The following VCL variants were observed in gnomAD, a reference collection of about 807,000 sequenced individuals.
VCL encodes vinculin.
Under a neutral mutation model 125.7 loss-of-function variants are expected in VCL, and 47 were observed. That is an observed-to-expected ratio of 0.37 (90% confidence interval 0.30 to 0.48). VCL has a LOEUF of 0.48. Ranked by LOEUF, VCL falls within the 20% of genes least tolerant of loss-of-function variation. The pLI is 0.99. For synonymous variants in VCL, 458 were observed against 514.6 expected (o/e 0.89, Z 1.49); for missense variants, 1,069 against 1,455.5 (o/e 0.73, Z 4.32).
intron 5 of VCL, 93 bp downstream of exon 5, chr10:74,072,945 C>CTT (rs369560544): frequency 2.1e-3 from 2,641 of 1,266,758 alleles, no homozygotes; most frequent in African/African-American, 6.8e-3. Flanking sequence ...GTTTTCTTTT[C>CTT]TTTTTTTTTT....
chr10:73,999,793 C>T (rs1256771373), intron 1 of VCL, among the ~76,000 whole-genome samples: 1 of 152,204 alleles, frequency 6.6e-6, no homozygotes, highest in Non-Finnish European at 1.5e-5. Context: ...TAGTAAGAAT[C>T]TATTCATTCA....
At chr10:74,100,882 T>C (rs1564531333) in intron 13 of VCL, 66 bp from the exon 14 acceptor site, 1 of 1,602,332 alleles carries the variant, frequency 6.2e-7, no homozygotes, top group East Asian at 2.2e-5. Flanking sequence ...AGGATGAAAC[T>C]TTTTCTTAGG....
chr10:74,060,010 A>G (rs1312277441), intron 2 of VCL, among the ~76,000 whole-genome samples: 1 of 151,996 alleles, frequency 6.6e-6, no homozygotes, highest in East Asian at 1.9e-4. Flanking sequence ...AAAACATAAA[A>G]AATTAGCTGG....
intron 19 of VCL, among the ~76,000 whole-genome samples, chr10:74,113,887 A>G (rs1840269230): frequency 6.6e-6 from 1 of 152,048 alleles, no homozygotes; most frequent in Admixed American, 6.5e-5. Context: ...CTTTCAGACT[A>G]ATATCTGGGT....
At chr10:74,034,825 A>G (rs1177689499) in intron 1 of VCL, among the ~76,000 whole-genome samples, 1 of 152,222 alleles carries the variant, frequency 6.6e-6, no homozygotes, top group Non-Finnish European at 1.5e-5. Flanking sequence ...CACCCCAGAA[A>G]AACAATCAAA....
chr10:74,066,355 G>A (rs1841570678), intron 2 of VCL, among the ~76,000 whole-genome samples: 1 of 152,012 alleles, frequency 6.6e-6, no homozygotes, highest in African/African-American at 2.4e-5. Context: ...CACCACGCCT[G>A]GCCAATTTTG....
Position 74,105,104 on chromosome 10 carries a change from G to A in VCL, c.2185G>A (p.Ala729Thr), listed in dbSNP as rs957518574. ...ATCTCTGTTGGATGCTTCAGAAGAA[G>A]CAATTAAAAAAGACCTGGACAAGTG... Reference protein sequence around the residue: ...TKSLLDASEEAIKKDLDKCKV... With the variant: ...TKSLLDASEETIKKDLDKCKV... Residue 729 changes from alanine (A) to threonine (T), a missense_variant, in exon 16 of 22, where the codon GCA becomes ACA. Around this residue, in one of 6 missense-constraint regions of VCL, gnomAD observed 760 missense variants for 928.9 expected, o/e 0.82. Coordinates refer to ENST00000211998, the MANE Select transcript of VCL (RefSeq NM_014000.3). 6.2e-7 allele frequency: 1 copy of A among 1,614,052 alleles called. No homozygotes were observed. Among genetic ancestry groups the A allele is most frequent in the Non-Finnish European group, 8.5e-7 (1 of 1,180,040 alleles).
chr10:74,020,002 G>T (rs946219729), intron 1 of VCL, among the ~76,000 whole-genome samples: 6 of 151,832 alleles, frequency 4.0e-5, no homozygotes, highest in African/African-American at 1.2e-4. Flanking sequence ...CTTGGAGGTT[G>T]CAGTGCGCCG....
intron 19 of VCL, among the ~76,000 whole-genome samples, chr10:74,113,400 C>G (rs1211352134): frequency 1.3e-5 from 2 of 152,154 alleles, no homozygotes; most frequent in African/African-American, 2.4e-5. Flanking sequence ...AATGCCTTCT[C>G]TTGCATCCTC....
At chr10:74,110,517 CCTAT>C (rs1218011594) in intron 18 of VCL, among the ~76,000 whole-genome samples, 2 of 152,194 alleles carry the variant, frequency 1.3e-5, no homozygotes, top group Admixed American at 6.5e-5. Flanking sequence ...TGTCTGTCAA[CCTAT>C]CTGTCTTTGT....
At chr10:74,100,322 T>C (rs140148671) in intron 13 of VCL, among the ~76,000 whole-genome samples, 1 of 152,364 alleles carries the variant, frequency 6.6e-6, no homozygotes, top group Admixed American at 6.5e-5. Context: ...GAGAGCTGAA[T>C]GAACAATTAA....
At chr10:74,076,308 T>C (rs1250557773) in intron 6 of VCL, 1 of 152,708 alleles carries the variant, frequency 6.5e-6, no homozygotes, top group African/African-American at 2.4e-5. Flanking sequence ...GTGATTTCTT[T>C]GGGAAAAGCT....
chr10:74,054,973 T>A (rs376671011), intron 2 of VCL, among the ~76,000 whole-genome samples: 1 of 151,968 alleles, frequency 6.6e-6, no homozygotes, highest in African/African-American at 2.4e-5. Context: ...AGTGAGATTT[T>A]AAATTATTTC....
chr10:74,093,911 C>T (rs950637650), intron 10 of VCL, among the ~76,000 whole-genome samples: 8 of 152,292 alleles, frequency 5.3e-5, no homozygotes, highest in African/African-American at 1.7e-4. Flanking sequence ...TTCAGCTGCT[C>T]CTACAACAAA....
chr10:74,072,410 C>A (rs1202515793), intron 4 of VCL, among the ~76,000 whole-genome samples: 1 of 151,954 alleles, frequency 6.6e-6, no homozygotes, highest in East Asian at 1.9e-4. Context: ...TGCATAGAAG[C>A]CTGGCAAAAT....
Position 74,022,575 on chromosome 10 carries a change from GATAAATAAATAAATAA to G in VCL, c.169-20487_169-20472del, listed in dbSNP as rs112373013. Among the ~76,000 whole-genome samples, 6 of 121,064 alleles carry G rather than the reference GATAAATAAATAAATAA, an allele frequency of 5.0e-5. No individual in the cohort carries two copies. The South Asian group carries it at 7.2e-4, about 15-fold the overall frequency. The allele number at this position is 121,064 out of a possible 152,430, so 79.4% of individuals were successfully genotyped here. ...AAAAATAAAATACAATAAGAATAAA[GATAAATAAATAAATAA>G]ATAAATAAATAAATAAATAAGTAAA... On this transcript the variant is annotated intron_variant, in intron 1 of 21. Transcript: ENST00000211998.
chr10:74,099,762 A>T (rs1210924572), intron 13 of VCL, among the ~76,000 whole-genome samples: 1 of 152,172 alleles, frequency 6.6e-6, no homozygotes, highest in Non-Finnish European at 1.5e-5. Context: ...AGTGTGGGAG[A>T]CCAGCTAGGG....
chr10:74,103,947 A>C lies in VCL; in HGVS notation c.2131+19A>C, dbSNP rs750486696. The stretch of plus-strand genomic sequence containing the variant: ...ATGACAGGTAGAGTTTTCTATACAA[A>C]TCTTGTTGTCTAATCCATGAAGAAT... On this transcript the variant is annotated intron_variant, in intron 15 of 21. Coordinates refer to ENST00000211998, the MANE Select transcript of VCL (RefSeq NM_014000.3). 1 of 1,608,336 alleles carries C rather than the reference A, an allele frequency of 6.2e-7. No individual in the cohort carries two copies. Among genetic ancestry groups the C allele is most frequent in the Non-Finnish European group, 8.5e-7 (1 of 1,174,950 alleles).
chr10:74,107,233 T>A lies in VCL; in HGVS notation c.2438T>A (p.Leu813Gln). The stretch of plus-strand genomic sequence containing the variant: ...AGTGAGGATGTCTTGTGTTTAGGAC[T>A]GCAAAAGAGCTTCCTGGACTCAGGA... The part of the protein sequence containing the change: ...AVAGNISDPG[L>Q]QKSFLDSGYR... Residue 813 changes from leucine (L) to glutamine (Q), a missense_variant, in exon 17 of 22, where the codon CTG (leucine) becomes CAG (glutamine). Physicochemically the swap from Leu to Gln is moderately radical, Grantham distance 113. This residue lies in a region of VCL where 760 missense variants were observed against 928.9 expected (regional missense o/e 0.82). Coordinates refer to ENST00000211998, the MANE Select transcript of VCL (RefSeq NM_014000.3). 6.2e-7 allele frequency: 1 copy of A among 1,614,214 alleles called. No homozygotes were observed. Among genetic ancestry groups the A allele is most frequent in the Non-Finnish European group, 8.5e-7 (1 of 1,180,044 alleles).
Sources: gnomAD v4.1 joint callset for allele counts (sites outside exome capture counted in the v4.1 genomes callset) on GRCh38, gnomAD v4.1.1 for gene constraint, gnomAD v4.1.1 regional missense constraint, MANE v1.5 for transcripts, NCBI Gene and HGNC (gene_info 2026-07-23, HGNC 2026-07-21) for gene names.